Variants in TAFA2 observed in about 807,000 individuals in gnomAD.
The protein encoded by TAFA2 is TAFA chemokine like family member 2, also known as chemokine-like protein TAFA-2.
A neutral mutation model predicts 18.8 loss-of-function variants in TAFA2; 7 were observed. That is an observed-to-expected ratio of 0.37 (90% CI 0.21 to 0.70). The LOEUF (loss-of-function observed/expected upper bound fraction) is 0.70. Ranked by LOEUF, TAFA2 falls within the 30% of genes least tolerant of loss-of-function variation. The pLI, the probability that TAFA2 is intolerant of heterozygous loss-of-function variation, is 0.53. For missense variants in TAFA2, 122 were observed against 158.1 expected, an observed-to-expected ratio of 0.77 and a Z score of 1.23; for synonymous variants, 60 against 54.2, an observed-to-expected ratio of 1.11 and a Z score of -0.47.
At chr12:61,947,738 T>A (rs1428851379) in intron 1 of TAFA2, among the ~76,000 whole-genome samples, 2 of 152,176 alleles carry the variant, frequency 1.3e-5, no homozygotes, top group Non-Finnish European at 2.9e-5. Context: ...CCTCGATATG[T>A]AAGTGATAGC....
At chr12:62,205,320 G>C (rs974795749) in intron 1 of TAFA2, among the ~76,000 whole-genome samples, 10 of 152,234 alleles carry the variant, frequency 6.6e-5, no homozygotes, top group African/African-American at 2.4e-4. Flanking sequence ...ACAGGATCAG[G>C]AACCCACTTA....
chr12:61,860,040 CAG>C (rs1874064076), intron 2 of TAFA2, among the ~76,000 whole-genome samples: 1 of 152,156 alleles, frequency 6.6e-6, no homozygotes, highest in Admixed American at 6.5e-5. Context: ...ATCGCTAACT[CAG>C]AGTAACATAA....
intron 1 of TAFA2, among the ~76,000 whole-genome samples, chr12:62,104,213 T>G (rs1263458570): frequency 6.6e-6 from 1 of 152,024 alleles, no homozygotes; most frequent in Non-Finnish European, 1.5e-5. Flanking sequence ...AAACGTGCCA[T>G]TTAGCTAATC....
rs377479894 is a variant in TAFA2, at chr12:62,000,623, C to CA, written c.-1-133198dup. Among the ~76,000 whole-genome samples, 58 of 118,760 alleles carry CA rather than the reference C, an allele frequency of 4.9e-4. 8 individuals carry two copies. Among genetic ancestry groups the CA allele is most frequent in the African/African-American group, 1.1e-3 (41 of 36,066 alleles). The allele number at this position is 118,760 out of a possible 152,430, so 77.9% of individuals were successfully genotyped here. On this transcript the variant is annotated intron_variant, in intron 1 of 4. Coordinates refer to ENST00000416284, the MANE Select transcript of TAFA2 (RefSeq NM_178539.5). ...AAACATGCATAAATATGTGCACACA[C>CA]AAAAAAATGTACAAAGGTGTTTAAA...
At chr12:62,196,427 C>T (rs1333435614), upstream of TAFA2, among the ~76,000 whole-genome samples, 1 of 152,170 alleles carries the variant, frequency 6.6e-6, no homozygotes, top group African/African-American at 2.4e-5. Flanking sequence ...ACATGCCTTC[C>T]TCCCTATTAA....
intron 1 of TAFA2, among the ~76,000 whole-genome samples, chr12:61,936,291 G>A (rs1877764467): frequency 6.6e-6 from 1 of 151,940 alleles, no homozygotes; most frequent in African/African-American, 2.4e-5. Flanking sequence ...CCTTGGCCGG[G>A]CACAGTTGCT....
upstream of TAFA2, among the ~76,000 whole-genome samples, chr12:62,194,316 C>T (rs892292319): frequency 2.9e-3 from 43 of 14,794 alleles, 1 homozygote; most frequent in African/African-American, 7.2e-3. Flanking sequence ...CACACACACA[C>T]ACACACACAC....
intron 1 of TAFA2, among the ~76,000 whole-genome samples, chr12:62,097,887 C>T (rs544062935): frequency 6.6e-6 from 1 of 152,228 alleles, no homozygotes; most frequent in East Asian, 1.9e-4. Context: ...GTTCAAGATT[C>T]CCAGAGGCTG....
intron 1 of TAFA2, chr12:61,878,050 AG>A (rs1406292891): frequency 2.2e-6 from 1 of 453,252 alleles, no homozygotes; most frequent in Non-Finnish European, 4.4e-6. Context: ...CAGACACAAA[AG>A]TACAAATACT....
At chr12:61,830,023 A>C (rs1254021196) in intron 2 of TAFA2, among the ~76,000 whole-genome samples, 2 of 151,028 alleles carry the variant, frequency 1.3e-5, no homozygotes, top group Non-Finnish European at 3.0e-5. Flanking sequence ...TAATGTCAAC[A>C]ATGTAAACTT....
chr12:62,118,931 T>G (rs999566507), intron 1 of TAFA2, among the ~76,000 whole-genome samples: 39 of 152,160 alleles, frequency 2.6e-4, no homozygotes, highest in African/African-American at 9.4e-4. Context: ...ACTAAAGCTT[T>G]TAATTTTAAT....
At chr12:62,203,769 G>T (rs1333874231) in intron 1 of TAFA2, among the ~76,000 whole-genome samples, 1 of 152,042 alleles carries the variant, frequency 6.6e-6, no homozygotes, top group Non-Finnish European at 1.5e-5. Flanking sequence ...ACATACCAAT[G>T]GGTCTTGACT....
At chr12:62,205,413 C>T (rs2062687826) in intron 1 of TAFA2, among the ~76,000 whole-genome samples, 1 of 152,256 alleles carries the variant, frequency 6.6e-6, no homozygotes, top group African/African-American at 2.4e-5. Flanking sequence ...CTGGATTCCT[C>T]AGAGCCAACA....
At chr12:61,954,927 G>T (rs1344299771) in intron 1 of TAFA2, among the ~76,000 whole-genome samples, 2 of 152,026 alleles carry the variant, frequency 1.3e-5, no homozygotes, top group African/African-American at 4.8e-5. Flanking sequence ...CAACAGAAAA[G>T]ATTTATTAAC....
chr12:61,711,654 C>G (rs918713818), intron 4 of TAFA2, among the ~76,000 whole-genome samples: 7 of 151,308 alleles, frequency 4.6e-5, no homozygotes, highest in African/African-American at 1.7e-4. Context: ...AATTATACTA[C>G]CAAAGGGAGA....
At chr12:62,057,064 G>A (rs1023574647) in intron 1 of TAFA2, among the ~76,000 whole-genome samples, 2 of 152,154 alleles carry the variant, frequency 1.3e-5, no homozygotes, top group African/African-American at 4.8e-5. Flanking sequence ...GAAATTATTT[G>A]TTTTTGAAGG....
intron 1 of TAFA2, among the ~76,000 whole-genome samples, chr12:62,175,758 A>G (rs149031656): frequency 0.011 from 1,723 of 152,262 alleles, 115 homozygotes; most frequent in Admixed American, 0.095. Context: ...CACAATCTAT[A>G]GCAATACTTA....
rs748488387 is a variant in TAFA2 at position 61,812,570 on chromosome 12, CT to C, written c.106+54749del. Among the ~76,000 whole-genome samples, 430 of 139,904 alleles carry C rather than the reference CT, an allele frequency of 3.1e-3. 1 individual carries two copies. The highest frequency in any genetic ancestry group is 3.7e-3 in the Middle Eastern group (1 of 268). 91.8% of individuals were successfully genotyped at this position (139,904 alleles called of 152,430 possible). A position where few individuals can be genotyped will look rare whatever the true frequency, so the allele number is the denominator to read the frequency against. The stretch of plus-strand genomic sequence containing the variant: ...ACAATAAAATTATATATGTTCCCAT[CT>C]TTTTTTTTTTTTTTTGGACACAGAG... On this transcript the variant is annotated intron_variant, in intron 2 of 4. Coordinates refer to ENST00000416284, the MANE Select transcript of TAFA2 (RefSeq NM_178539.5).
chr12:61,963,336 G>A lies in TAFA2; in HGVS notation c.-1-95910C>T, dbSNP rs150251123. On this transcript the variant is annotated intron_variant, in intron 1 of 4. Transcript: ENST00000416284. ...AATGGTTGAAAAGCATTCCTGTTTCGCCACATCCTCTCCATCATCTGTCGT... is the reference window on the plus strand; with the variant it reads ...AATGGTTGAAAAGCATTCCTGTTTCACCACATCCTCTCCATCATCTGTCGT... 1.7e-4 allele frequency among the ~76,000 whole-genome samples: 26 copies of A among 151,384 alleles called. No individual in the cohort carries two copies. In the South Asian group the frequency reaches 1.9e-3, roughly 11 times the overall value.
Sources: allele counts gnomAD v4.1 joint callset (sites outside exome capture counted in the v4.1 genomes callset), GRCh38; gene constraint gnomAD v4.1.1; transcripts MANE v1.5; gene names NCBI Gene and HGNC (gene_info 2026-07-23, HGNC 2026-07-21).